The following CHD8 variants were observed in gnomAD, a reference collection of about 807,000 sequenced individuals.
The protein encoded by CHD8 is chromodomain helicase DNA binding protein 8.
A neutral mutation model predicts 279.2 loss-of-function variants in CHD8; 31 were observed. The observed-to-expected ratio is 0.11, with a 90% CI of 0.08 to 0.15. The LOEUF is 0.15. Among genes scored for constraint, CHD8 ranks in the 10% least tolerant of loss-of-function variants. The pLI, the probability that CHD8 is intolerant of heterozygous loss-of-function variation, is 1.00. For synonymous variants in CHD8, 1,081 were observed against 1,139.6 expected, an observed-to-expected ratio of 0.95 and a Z score of 1.04; for missense variants, 2,146 against 3,230.5, an observed-to-expected ratio of 0.66 and a Z score of 8.14.
chr14:21,407,000 G>A lies in CHD8; in HGVS notation c.2763C>T (p.Asp921=), dbSNP rs752864980. 2.0e-5 allele frequency: 32 copies of A among 1,596,450 alleles called. No individual in the cohort carries two copies. The East Asian group carries it at 3.8e-4, about 19-fold the overall frequency. The change falls in exon 14 of 38, where the codon GAC becomes GAT. Residue 921 remains aspartate, a synonymous_variant. Transcript: ENST00000646647. ...GRLIPGAYKF[D]ALITTFEMIL... ...TCATCTCAAAAGTGGTGATCAGAGC[G>A]TCAAACTTGTATGCGCCTGGGATGA...
chr14:21,410,004 C>T lies in CHD8; in HGVS notation c.2227-16G>A, dbSNP rs1177220170. On this transcript the variant is annotated splice_polypyrimidine_tract_variant and intron_variant, in intron 10 of 37. Coordinates refer to ENST00000646647, the MANE Select transcript of CHD8 (RefSeq NM_001170629.2). The stretch of plus-strand genomic sequence containing the variant: ...AAATAACGGGCTAGGAGAGAAGAAA[C>T]CAAAGCCTTAAGAAACTGATTCTGT... The T allele has an allele frequency of 1.3e-6, 2 of 1,594,858 alleles. No individual in the cohort carries two copies. The highest frequency in any genetic ancestry group is 2.3e-5 in the South Asian group (2 of 86,948).
intron 5 of CHD8, 82 bp from the exon 6 acceptor site, chr14:21,415,989 A>G: frequency 8.6e-7 from 1 of 1,164,320 alleles, no homozygotes; most frequent in Non-Finnish European, 1.2e-6. Flanking sequence ...ATGGTCATAT[A>G]CTTAGATTCT....
rs372371609 is a variant in CHD8 at position 21,400,086 on chromosome 14, G to A, written c.4728-16C>T. ...CAACAGTACCCTAGAAAGGACAGAGGAAGAGCTGGCTCAGTAACACTGTAG... is the reference window on the plus strand; with the variant it reads ...CAACAGTACCCTAGAAAGGACAGAGAAAGAGCTGGCTCAGTAACACTGTAG... On this transcript the variant is annotated splice_polypyrimidine_tract_variant and intron_variant, in intron 24 of 37. Transcript: ENST00000646647. The surrounding 1 kb of genome is among the most constrained non-coding windows in gnomAD (Gnocchi z 4.2). The A allele has an allele frequency of 1.9e-5, 30 of 1,613,346 alleles. No homozygotes were observed. The highest frequency in any genetic ancestry group is 2.5e-5 in the Non-Finnish European group (30 of 1,179,504).
intron 16 of CHD8, chr14:21,404,904 T>TGGC: frequency 3.1e-6 from 1 of 320,452 alleles, no homozygotes; most frequent in Non-Finnish European, 5.8e-6. Context: ...TGATCTCGGC[T>TGGC]CACTGCAACC....
chr14:21,388,261 CAT>C (rs1363478073), intron 37 of CHD8, among the ~76,000 whole-genome samples: 2 of 152,170 alleles, frequency 1.3e-5, no homozygotes, highest in East Asian at 1.9e-4. Flanking sequence ...TGTGTATGCA[CAT>C]AGTCAGCCTT....
intron 4 of CHD8, 159 bp downstream of exon 4, chr14:21,427,710 C>T: frequency 6.6e-7 from 1 of 1,511,942 alleles, no homozygotes. Flanking sequence ...TTGCACGTCC[C>T]ATCACAGTAG....
intron 1 of CHD8, chr14:21,437,247 G>C: frequency 8.6e-7 from 1 of 1,169,088 alleles, no homozygotes; most frequent in East Asian, 6.4e-5. Context: ...TCCAGCACCA[G>C]TTCCCCCTCC....
chr14:21,448,799 A>G (rs1890186198), intron 1 of CHD8, among the ~76,000 whole-genome samples: 1 of 150,454 alleles, frequency 6.6e-6, no homozygotes, highest in Non-Finnish European at 1.5e-5. Flanking sequence ...TCCTGACCTC[A>G]TGATCCACCC....
At chr14:21,409,707 T>C (rs1888396441) in intron 11 of CHD8, 144 bp downstream of exon 11, 2 of 646,928 alleles carry the variant, frequency 3.1e-6, no homozygotes. Flanking sequence ...GTTACGTGGG[T>C]GATGGGTACA....
At position 21,392,698 on chromosome 14, in the gene CHD8, C is replaced by G. The variant is rs1241964365; in HGVS notation, c.6580G>C (p.Gly2194Arg). ...EMVTGGILGP[G>R]NHLLDSPSLT... The stretch of plus-strand genomic sequence containing the variant: ...GAGGGACTGTCTAGCAAGTGGTTGC[C>G]TGGCCCCAAAATTCCTCCTGTTACC... Residue 2194 changes from glycine to arginine, a missense_variant, in exon 34 of 38, where the codon GGC becomes CGC. Transcript: ENST00000646647. 7 of 1,613,992 alleles carry G rather than the reference C, an allele frequency of 4.3e-6. No individual in the cohort carries two copies. The South Asian group carries it at 7.7e-5, about 18-fold the overall frequency.
chr14:21,437,120 C>A, intron 1 of CHD8: 1 of 919,148 alleles, frequency 1.1e-6, no homozygotes. Context: ...AAGCTGCAGG[C>A]CGAGAGGCCC....
intron 3 of CHD8, among the ~76,000 whole-genome samples, chr14:21,428,718 TAAATA>T (rs1000835778): frequency 1.4e-4 from 21 of 152,214 alleles, no homozygotes; most frequent in African/African-American, 5.1e-4. Flanking sequence ...GAAAAGATTA[TAAATA>T]AAACAATTCA....
rs72684763 is a variant in CHD8 at position 21,453,461 on chromosome 14, G to T, written c.-216+2571C>A. Among the ~76,000 whole-genome samples, 664 of 151,938 alleles carry T rather than the reference G, an allele frequency of 4.4e-3. 6 individuals are homozygous for T. The highest frequency in any genetic ancestry group is 9.2e-3 in the Admixed American group (141 of 15,274). On this transcript the variant is annotated intron_variant, in intron 1 of 37. Transcript: ENST00000646647. ...AAAGATCATAGATCATGTAAGAGGG[G>T]ATATAAAAAGTTAAAGTGAGATAAG...
chr14:21,443,674 G>A (rs939390228), intron 1 of CHD8, among the ~76,000 whole-genome samples: 1 of 151,906 alleles, frequency 6.6e-6, no homozygotes, highest in Non-Finnish European at 1.5e-5. Flanking sequence ...CTAATACGGT[G>A]AAACCCCATC....
At chr14:21,450,842 T>A (rs904725028) in intron 1 of CHD8, among the ~76,000 whole-genome samples, 1 of 150,192 alleles carries the variant, frequency 6.7e-6, no homozygotes, top group Non-Finnish European at 1.5e-5. Context: ...AGGAAATTAC[T>A]CATCACTGGA....
chr14:21,403,387 G>C lies in CHD8; in HGVS notation c.3518+66C>G. The stretch of plus-strand genomic sequence containing the variant: ...ATTGGTGAACTCTAATTAAATCCAG[G>C]CCCTCCTACTTTTTGCTGCTTTATG... On this transcript the variant is annotated intron_variant, in intron 17 of 37. Coordinates refer to ENST00000646647, the MANE Select transcript of CHD8 (RefSeq NM_001170629.2). This position sits in a 1 kb window ranked among gnomAD's most constrained non-coding sequence, Gnocchi z 4.3. 2.2e-6 allele frequency: 3 copies of C among 1,354,036 alleles called. No individual in the cohort carries two copies. Among genetic ancestry groups the C allele is most frequent in the Non-Finnish European group, 3.1e-6 (3 of 969,198 alleles). 83.9% of individuals were successfully genotyped at this position (1,354,036 alleles called of 1,614,324 possible). A position where few individuals can be genotyped will look rare whatever the true frequency, so the allele number is the denominator to read the frequency against.
At chr14:21,388,247 T>C (rs1263865540) in intron 37 of CHD8, among the ~76,000 whole-genome samples, 1 of 152,240 alleles carries the variant, frequency 6.6e-6, no homozygotes, top group African/African-American at 2.4e-5. Flanking sequence ...GACACATAAA[T>C]ATATGTGTAT....
chr14:21,431,473 A>C lies in CHD8; in HGVS notation c.171T>G (p.Asp57Glu). Residue 57 changes from aspartate (D) to glutamate (E), a missense_variant, in exon 2 of 38, where the codon GAT (aspartate) becomes GAG (glutamate). Transcript: ENST00000646647. ...DQMNQDGGGG[D>E]VGNSSASELV... ...GTTCACTTGCTGATGAATTCCCCAC[A>C]TCACCACCTCCACCATCCTGGTTCA... The C allele has an allele frequency of 1.3e-6, 2 of 1,537,172 alleles. No homozygotes were observed. Among genetic ancestry groups the C allele is most frequent in the Non-Finnish European group, 1.7e-6 (2 of 1,146,860 alleles).
At chr14:21,436,457 T>C (rs1409172699) in intron 1 of CHD8, among the ~76,000 whole-genome samples, 2 of 152,088 alleles carry the variant, frequency 1.3e-5, no homozygotes, top group African/African-American at 2.4e-5. Context: ...AAATGAAAAA[T>C]AAACATCCAA....
Sources: gnomAD v4.1 joint callset for allele counts (sites outside exome capture counted in the v4.1 genomes callset) on GRCh38, gnomAD v4.1.1 for gene constraint, Gnocchi (gnomAD v3.1) non-coding constraint, MANE v1.5 for transcripts, NCBI Gene and HGNC (gene_info 2026-07-23, HGNC 2026-07-21) for gene names.